FRS2: variants seen among roughly 807,000 people sequenced by gnomAD.
FRS2 encodes the protein fibroblast growth factor receptor substrate 2, also known as FGFR signalling adaptor.
Under a neutral mutation model 43.9 loss-of-function variants are expected in FRS2, and 8 were observed. The observed-to-expected ratio is 0.18, with a 90% CI of 0.11 to 0.33. The LOEUF (loss-of-function observed/expected upper bound fraction) is 0.33, where lower values mean the gene tolerates loss of function less well. Among genes scored for constraint, FRS2 ranks in the 10% least tolerant of loss-of-function variants. The pLI is 1.00. For synonymous variants in FRS2, 219 were observed against 220.3 expected, an observed-to-expected ratio of 0.99 and a Z score of 0.05; for missense variants, 534 against 627.6, an observed-to-expected ratio of 0.85 and a Z score of 1.59.
intron 2 of FRS2, among the ~76,000 whole-genome samples, chr12:69,531,319 G>A (rs1296113282): frequency 4.1e-5 from 6 of 145,562 alleles, no homozygotes; most frequent in East Asian, 2.0e-4. Context: ...AACAGAGTGA[G>A]ATACTGTCTC....
intron 3 of FRS2, among the ~76,000 whole-genome samples, chr12:69,542,337 C>T (rs1877989966): frequency 1.3e-5 from 2 of 152,178 alleles, no homozygotes; most frequent in African/African-American, 2.4e-5. Flanking sequence ...ATAGGTTCCA[C>T]ACCTGCAAAT....
At chr12:69,512,832 GTTA>G (rs1874591315) in intron 1 of FRS2, among the ~76,000 whole-genome samples, 1 of 152,032 alleles carries the variant, frequency 6.6e-6, no homozygotes, top group Non-Finnish European at 1.5e-5. Context: ...AAATCAGAAC[GTTA>G]TGTTAAAAAG....
At chr12:69,507,990 C>T (rs1382921235) in intron 1 of FRS2, among the ~76,000 whole-genome samples, 2 of 130,540 alleles carry the variant, frequency 1.5e-5, no homozygotes, top group Admixed American at 9.0e-5. Context: ...CGCCATTGCA[C>T]TCCAGCCTGG....
chr12:69,506,399 G>T (rs1357677306), intron 1 of FRS2, among the ~76,000 whole-genome samples: 2 of 152,070 alleles, frequency 1.3e-5, no homozygotes, highest in Non-Finnish European at 2.9e-5. Flanking sequence ...GTAGTCTCTT[G>T]AATTTATCCA....
intron 1 of FRS2, among the ~76,000 whole-genome samples, chr12:69,508,952 A>T (rs1874209222): frequency 6.6e-6 from 1 of 152,120 alleles, no homozygotes; most frequent in African/African-American, 2.4e-5. Flanking sequence ...CTATGCAAAT[A>T]TTTTTCACAA....
chr12:69,555,202 G>T (rs1879233846), intron 3 of FRS2, among the ~76,000 whole-genome samples: 1 of 151,704 alleles, frequency 6.6e-6, no homozygotes, highest in Admixed American at 6.6e-5. Flanking sequence ...GTGCCACCAT[G>T]CCTGGCTAAT....
At position 69,535,026 on chromosome 12, in the gene FRS2, G is replaced by C. The variant is rs1469564630; in HGVS notation, c.-122+2970G>C. 2.6e-5 allele frequency among the ~76,000 whole-genome samples: 4 copies of C among 152,104 alleles called. No individual in the cohort carries two copies. In the South Asian group the frequency reaches 8.3e-4, roughly 32 times the overall value. ...TAAATGATGTGTTCCTTGTAATTGT[G>C]TATTTCTTTGGCACTGTAATTTCAG... is the stretch of plus-strand genomic sequence containing the variant. On this transcript the variant is annotated intron_variant, in intron 3 of 8. Transcript: ENST00000549921.
chr12:69,548,553 C>G (rs1878611331), intron 3 of FRS2, among the ~76,000 whole-genome samples: 2 of 152,254 alleles, frequency 1.3e-5, no homozygotes, highest in South Asian at 4.1e-4. Flanking sequence ...GTTCTTTTCT[C>G]ATAAGGTATC....
chr12:69,535,998 C>T lies in FRS2; in HGVS notation c.-122+3942C>T, dbSNP rs185683160. Among the ~76,000 whole-genome samples the T allele has an allele frequency of 5.6e-4, 85 of 150,628 alleles. 1 individual carries two copies. Among genetic ancestry groups the T allele is most frequent in the Middle Eastern group, 3.4e-3 (1 of 294 alleles). ...ATTATGAAAGGGCCCTCTATCTGAA[C>T]ACACTTTTAGCCTTACAGTTTTTTT... On this transcript the variant is annotated intron_variant, in intron 3 of 8. Transcript: ENST00000549921.
chr12:69,562,214 GA>G lies in FRS2; in HGVS notation c.-84del. 2.5e-6 allele frequency: 1 copy of G among 398,340 alleles called. No individual in the cohort carries two copies. The allele number at this position is 398,340 out of a possible 1,614,324, so 24.7% of individuals were successfully genotyped here. ...GCAAACAAAGAAAACATGGTATTTT[GA>G]AATATGATTAAACTCCTGATGCTGC... On this transcript the variant is annotated 5_prime_UTR_variant, in exon 4 of 9. The change abolishes the stop of an existing upstream ORF in the 5' untranslated region. Coordinates refer to ENST00000549921, the MANE Select transcript of FRS2 (RefSeq NM_001278356.2).
chr12:69,478,427 A>G (rs1239295727), intron 1 of FRS2, among the ~76,000 whole-genome samples: 1 of 152,146 alleles, frequency 6.6e-6, no homozygotes, highest in Non-Finnish European at 1.5e-5. Flanking sequence ...ATTAATTTAA[A>G]TATGAATACC....
At chr12:69,527,318 G>A (rs951483173) in intron 1 of FRS2, among the ~76,000 whole-genome samples, 2 of 124,188 alleles carry the variant, frequency 1.6e-5, no homozygotes, top group African/African-American at 5.9e-5. Context: ...AGCAAGAATG[G>A]AGCAAAGTTT....
At chr12:69,509,803 A>T (rs971333668) in intron 1 of FRS2, among the ~76,000 whole-genome samples, 1 of 152,086 alleles carries the variant, frequency 6.6e-6, no homozygotes, top group Non-Finnish European at 1.5e-5. Context: ...TATGGGCTTT[A>T]TACTTCTAAA....
intron 1 of FRS2, among the ~76,000 whole-genome samples, chr12:69,498,651 C>A (rs1268939700): frequency 6.6e-6 from 1 of 151,588 alleles, no homozygotes; most frequent in African/African-American, 2.4e-5. Flanking sequence ...CCCAGGGAAG[C>A]CAAAAGATTG....
chr12:69,507,762 C>A (rs1290156665), intron 1 of FRS2, among the ~76,000 whole-genome samples: 1 of 152,098 alleles, frequency 6.6e-6, no homozygotes, highest in South Asian at 2.1e-4. Flanking sequence ...CGGTGGCTCA[C>A]GCCTGTAATC....
chr12:69,542,711 T>A (rs1056941065), intron 3 of FRS2, among the ~76,000 whole-genome samples: 36 of 152,242 alleles, frequency 2.4e-4, no homozygotes, highest in African/African-American at 8.7e-4. Flanking sequence ...GAATTGCATA[T>A]GGCAGATAGT....
At chr12:69,493,016 AT>A (rs1872600701) in intron 1 of FRS2, among the ~76,000 whole-genome samples, 2 of 152,342 alleles carry the variant, frequency 1.3e-5, no homozygotes, top group Admixed American at 6.5e-5. Context: ...GTGTTGGCAA[AT>A]TAAGTTTTGA....
At chr12:69,545,002 A>T (rs1008586339) in intron 3 of FRS2, among the ~76,000 whole-genome samples, 1 of 152,204 alleles carries the variant, frequency 6.6e-6, no homozygotes, top group Non-Finnish European at 1.5e-5. Flanking sequence ...CTGAAGAGTC[A>T]GCATTTTCAT....
intron 1 of FRS2, among the ~76,000 whole-genome samples, chr12:69,530,548 G>A (rs1876685441): frequency 6.6e-6 from 1 of 152,110 alleles, no homozygotes; most frequent in South Asian, 2.1e-4. Flanking sequence ...AGACTAGCCT[G>A]GGCAATGTAG....
Sources: allele counts gnomAD v4.1 joint callset (sites outside exome capture counted in the v4.1 genomes callset), GRCh38; gene constraint gnomAD v4.1.1; transcripts MANE v1.5; gene names NCBI Gene and HGNC (gene_info 2026-07-23, HGNC 2026-07-21).